The following ARK2C variants were observed in gnomAD, a reference collection of about 807,000 sequenced individuals.
The protein encoded by ARK2C is E3 ubiquitin-protein ligase ARK2C.
the ARK2C span, chr18:46,334,188 C>CCGA: frequency 1.1e-6 from 1 of 890,814 alleles, no homozygotes; most frequent in African/African-American, 1.8e-5. This position sits in a 1 kb window ranked among gnomAD's most constrained non-coding sequence, Gnocchi z 4.4. Flanking sequence ...TCCCGCAGCC[C>CCGA]CGCCGCCGCC....
the ARK2C span, among the ~76,000 whole-genome samples, chr18:46,426,788 C>A: frequency 6.6e-6 from 1 of 152,230 alleles, no homozygotes; most frequent in African/African-American, 2.4e-5. Flanking sequence ...GGTCTTTCAA[C>A]TGATGTCATT....
chr18:46,424,569 G>A, the ARK2C span, among the ~76,000 whole-genome samples: 16 of 152,242 alleles, frequency 1.1e-4, no homozygotes, highest in Admixed American at 2.0e-4. Context: ...CCCTGGCGGC[G>A]GTACAACACT....
chr18:46,343,261 A>G, the ARK2C span, among the ~76,000 whole-genome samples: 1 of 152,236 alleles, frequency 6.6e-6, no homozygotes, highest in African/African-American at 2.4e-5. Context: ...GTGGAGGCAG[A>G]TAAGAGAAGG....
At chr18:46,364,000 T>G in the ARK2C span, among the ~76,000 whole-genome samples, 5 of 147,230 alleles carry the variant, frequency 3.4e-5, no homozygotes, top group Admixed American at 3.4e-4. Context: ...CAGGCTAGAG[T>G]GCAGTGGTGC....
chr18:46,344,992 C>T, the ARK2C span, among the ~76,000 whole-genome samples: 1 of 152,300 alleles, frequency 6.6e-6, no homozygotes, highest in Admixed American at 6.5e-5. Flanking sequence ...GACCTGTCTC[C>T]CTCCCTAAGG....
the ARK2C span, among the ~76,000 whole-genome samples, chr18:46,382,426 G>C: frequency 9.2e-5 from 14 of 152,330 alleles, no homozygotes; most frequent in East Asian, 2.5e-3. Flanking sequence ...TTTCAGAGAT[G>C]AGTTGTTTAC....
chr18:46,442,363 C>A, the ARK2C span, among the ~76,000 whole-genome samples: 1 of 152,048 alleles, frequency 6.6e-6, no homozygotes, highest in Non-Finnish European at 1.5e-5. Flanking sequence ...CTGAATTTTT[C>A]TTTAAGGACT....
At chr18:46,437,966 G>C in the ARK2C span, among the ~76,000 whole-genome samples, 1 of 152,226 alleles carries the variant, frequency 6.6e-6, no homozygotes, top group Non-Finnish European at 1.5e-5. Flanking sequence ...AGCTCCCAAA[G>C]CTCCCTGAGC....
At chr18:46,448,783 T>C in the ARK2C span, among the ~76,000 whole-genome samples, 1 of 152,220 alleles carries the variant, frequency 6.6e-6, no homozygotes, top group Non-Finnish European at 1.5e-5. Context: ...GCAAGCTGCA[T>C]GGAATTAAAA....
the ARK2C span, among the ~76,000 whole-genome samples, chr18:46,374,145 G>T: frequency 6.6e-6 from 1 of 152,156 alleles, no homozygotes; most frequent in African/African-American, 2.4e-5. Flanking sequence ...GAAGACTGGG[G>T]CCCAGGCAGC....
At chr18:46,360,588 C>T in the ARK2C span, among the ~76,000 whole-genome samples, 2 of 152,226 alleles carry the variant, frequency 1.3e-5, no homozygotes, top group African/African-American at 2.4e-5. Context: ...CTCCTCTCCT[C>T]TTTTGGGGCT....
chr18:46,416,032 C>T, the ARK2C span, among the ~76,000 whole-genome samples: 533 of 152,276 alleles, frequency 3.5e-3, 6 homozygotes, highest in African/African-American at 0.012. Flanking sequence ...CCTGACTTTG[C>T]TGCTGGCATT....
chr18:46,387,492 A>C, the ARK2C span, among the ~76,000 whole-genome samples: 189 of 152,378 alleles, frequency 1.2e-3, no homozygotes, highest in African/African-American at 4.2e-3. Context: ...CTAGGGGAGA[A>C]ACTTGTCCCA....
At chr18:46,456,081 G>A in the ARK2C span, 1 of 1,569,744 alleles carries the variant, frequency 6.4e-7, no homozygotes, top group Non-Finnish European at 8.8e-7. Flanking sequence ...AAGATGTGAG[G>A]TAGGAGACCG....
chr18:46,462,619 T>A, the ARK2C span: 2 of 152,104 alleles, frequency 1.3e-5, no homozygotes, highest in African/African-American at 4.8e-5. Flanking sequence ...GCCCGTGGAG[T>A]CCCCCACCAC....
At chr18:46,346,328 T>C in the ARK2C span, among the ~76,000 whole-genome samples, 1 of 152,240 alleles carries the variant, frequency 6.6e-6, no homozygotes, top group African/African-American at 2.4e-5. Context: ...CATTTAAAAG[T>C]GTACTACAAT....
At chr18:46,411,379 T>A in the ARK2C span, among the ~76,000 whole-genome samples, 1 of 152,238 alleles carries the variant, frequency 6.6e-6, no homozygotes, top group Admixed American at 6.5e-5. Context: ...GAGCTGACAC[T>A]ATGTGACTAT....
chr18:46,406,380 T>A, the ARK2C span, among the ~76,000 whole-genome samples: 1 of 152,204 alleles, frequency 6.6e-6, no homozygotes, highest in East Asian at 1.9e-4. Context: ...CTGTGGGTGC[T>A]GGCCGGGGCT....
chr18:46,456,424 C>A, the ARK2C span: 2 of 871,122 alleles, frequency 2.3e-6, no homozygotes, highest in Non-Finnish European at 3.8e-6. Flanking sequence ...CCTCCATAGC[C>A]GGGCAGTTCC....
Sources: allele counts gnomAD v4.1 joint callset (sites outside exome capture counted in the v4.1 genomes callset), GRCh38; gene constraint gnomAD v4.1.1; non-coding constraint Gnocchi (gnomAD v3.1); transcripts MANE v1.5; gene names NCBI Gene and HGNC (gene_info 2026-07-23, HGNC 2026-07-21).